The following CNTNAP2 variants were observed in gnomAD, a reference collection of about 807,000 sequenced individuals.
The protein encoded by CNTNAP2 is contactin associated protein 2, also known as contactin-associated protein-like 2.
In CNTNAP2, 98 loss-of-function variants were observed where a neutral mutation model predicts 155.2. The ratio of observed to expected loss-of-function variants is 0.63; its 90% CI spans 0.54 to 0.75. The LOEUF (loss-of-function observed/expected upper bound fraction) is 0.75, where lower values mean the gene tolerates loss of function less well. Among genes scored for constraint, CNTNAP2 ranks in the 30% least tolerant of loss-of-function variants. CNTNAP2 has a pLI of 0.00. For missense variants in CNTNAP2, 1,727 were observed against 1,688.1 expected, an observed-to-expected ratio of 1.02 and a Z score of -0.40; for synonymous variants, 651 against 631.2, an observed-to-expected ratio of 1.03 and a Z score of -0.47.
chr7:148,137,648 C>A (rs570514919), intron 16 of CNTNAP2, among the ~76,000 whole-genome samples: 2 of 134,528 alleles, frequency 1.5e-5, no homozygotes, highest in Non-Finnish European at 3.0e-5. Flanking sequence ...GGCAACAGAG[C>A]AAAAGTCTAT....
chr7:146,302,858 G>A (rs1006365333), intron 1 of CNTNAP2, among the ~76,000 whole-genome samples: 1 of 152,092 alleles, frequency 6.6e-6, no homozygotes, highest in Non-Finnish European at 1.5e-5. Context: ...AGACATATTT[G>A]TTATTCAAAC....
At chr7:147,736,615 G>A (rs1419585374) in intron 13 of CNTNAP2, among the ~76,000 whole-genome samples, 162 of 152,308 alleles carry the variant, frequency 1.1e-3, no homozygotes, top group African/African-American at 3.7e-3. Flanking sequence ...TCTGCAGAGT[G>A]TTTTCCAACT....
intron 1 of CNTNAP2, among the ~76,000 whole-genome samples, chr7:146,709,516 A>G (rs563029123): frequency 5.3e-5 from 8 of 152,316 alleles, no homozygotes; most frequent in East Asian, 1.9e-4. Flanking sequence ...AGTCAAGCCT[A>G]AAGTTTGTTG....
rs114690783 is a variant in CNTNAP2, at chr7:147,583,401, A to G, written c.1897+21144A>G. ...TCCATTGGATAGTGCTTTGACAATC[A>G]CCAACCACTTCTGCTCCTACAACTC... On this transcript the variant is annotated intron_variant, in intron 12 of 23. Transcript: ENST00000361727. Among the ~76,000 whole-genome samples the G allele has an allele frequency of 6.5e-3, 979 of 151,436 alleles. 11 individuals carry two copies. The highest frequency in any genetic ancestry group is 0.023 in the African/African-American group (939 of 41,316).
chr7:146,845,575 A>G (rs1803826010), intron 3 of CNTNAP2, among the ~76,000 whole-genome samples: 1 of 152,220 alleles, frequency 6.6e-6, no homozygotes, highest in African/African-American at 2.4e-5. Context: ...TTCAGTGACA[A>G]TAGTCAGTAA....
chr7:147,254,103 T>C (rs1804265844), intron 8 of CNTNAP2, among the ~76,000 whole-genome samples: 1 of 151,976 alleles, frequency 6.6e-6, no homozygotes, highest in Non-Finnish European at 1.5e-5. Context: ...TGTGGTGAGT[T>C]CCCTCCACCC....
intron 2 of CNTNAP2, among the ~76,000 whole-genome samples, chr7:146,788,200 GC>G (rs1302086528): frequency 3.9e-5 from 6 of 152,196 alleles, no homozygotes; most frequent in Admixed American, 3.9e-4. Flanking sequence ...AACCCGTGTG[GC>G]CTGAGAGCAG....
At chr7:146,343,633 A>G (rs556237822) in intron 1 of CNTNAP2, among the ~76,000 whole-genome samples, 1 of 152,308 alleles carries the variant, frequency 6.6e-6, no homozygotes, top group South Asian at 2.1e-4. Context: ...ATATGCTATT[A>G]AAAATATGAA....
intron 1 of CNTNAP2, among the ~76,000 whole-genome samples, chr7:146,357,770 C>A (rs1036216164): frequency 6.6e-6 from 1 of 151,606 alleles, no homozygotes; most frequent in African/African-American, 2.4e-5. Flanking sequence ...CAGGTACTAA[C>A]CCCCCATTAC....
intron 1 of CNTNAP2, among the ~76,000 whole-genome samples, chr7:146,759,711 A>AAAAAAG (rs1309834469): frequency 1.8e-4 from 11 of 60,720 alleles, no homozygotes; most frequent in African/African-American, 4.2e-4. Context: ...AAAAAAAAAA[A>AAAAAAG]GGTGGGTGGG....
chr7:148,047,967 A>T (rs577131549), intron 15 of CNTNAP2, among the ~76,000 whole-genome samples: 1 of 152,138 alleles, frequency 6.6e-6, no homozygotes, highest in East Asian at 1.9e-4. Flanking sequence ...TTTGTCGCCC[A>T]GTCTGGAGTG....
chr7:146,422,143 T>A (rs193043349), intron 1 of CNTNAP2, among the ~76,000 whole-genome samples: 2 of 151,574 alleles, frequency 1.3e-5, no homozygotes, highest in Non-Finnish European at 3.0e-5. Flanking sequence ...TTTTTTTACA[T>A]GCATGAATTA....
intron 1 of CNTNAP2, among the ~76,000 whole-genome samples, chr7:146,272,833 G>A (rs1800103409): frequency 6.6e-6 from 1 of 152,176 alleles, no homozygotes; most frequent in Non-Finnish European, 1.5e-5. Flanking sequence ...AGTAGCTGGA[G>A]CAAGAGGTAA....
chr7:146,485,401 A>G (rs1797040388), intron 1 of CNTNAP2, among the ~76,000 whole-genome samples: 1 of 152,178 alleles, frequency 6.6e-6, no homozygotes, highest in African/African-American at 2.4e-5. Context: ...AATTTGAATA[A>G]TGATACCAAT....
At chr7:147,514,214 A>G (rs909274834) in intron 11 of CNTNAP2, among the ~76,000 whole-genome samples, 2 of 152,142 alleles carry the variant, frequency 1.3e-5, no homozygotes, top group Non-Finnish European at 2.9e-5. Context: ...GAACAACCAT[A>G]TTGGTTTATT....
intron 1 of CNTNAP2, among the ~76,000 whole-genome samples, chr7:146,608,252 G>T (rs989870998): frequency 3.9e-5 from 6 of 152,032 alleles, no homozygotes; most frequent in Admixed American, 2.0e-4. Flanking sequence ...CTTTTTCCAG[G>T]TTTAAAACTC....
At chr7:147,428,841 T>C (rs1221770575) in intron 10 of CNTNAP2, among the ~76,000 whole-genome samples, 1 of 152,054 alleles carries the variant, frequency 6.6e-6, no homozygotes, top group Middle Eastern at 3.2e-3. Context: ...GGAAAAGATA[T>C]TTAGGGGTAA....
chr7:147,313,610 C>T (rs1039705257), intron 9 of CNTNAP2, among the ~76,000 whole-genome samples: 3 of 150,880 alleles, frequency 2.0e-5, no homozygotes, highest in Non-Finnish European at 4.4e-5. Context: ...CTGTTCTGTT[C>T]CATTGATCTA....
chr7:146,123,234 G>T (rs965363835), intron 1 of CNTNAP2, among the ~76,000 whole-genome samples: 3 of 152,098 alleles, frequency 2.0e-5, no homozygotes, highest in African/African-American at 7.2e-5. Context: ...TGTGATTTAG[G>T]TTTGCTTGAA....
Sources: gnomAD v4.1 joint callset for allele counts (sites outside exome capture counted in the v4.1 genomes callset) on GRCh38, gnomAD v4.1.1 for gene constraint, MANE v1.5 for transcripts, NCBI Gene and HGNC (gene_info 2026-07-23, HGNC 2026-07-21) for gene names.